Variants in SAE1 observed in about 807,000 individuals in gnomAD.
SAE1 encodes the protein SUMO1 activating enzyme subunit 1.
A neutral mutation model predicts 40.6 loss-of-function variants in SAE1; 11 were observed. The ratio of observed to expected loss-of-function variants is 0.27; its 90% CI spans 0.17 to 0.45. The LOEUF (loss-of-function observed/expected upper bound fraction) is 0.45, where lower values mean the gene tolerates loss of function less well. SAE1 is among the 20% of genes least tolerant of loss of function. The probability of loss-of-function intolerance (pLI) is 1.00; values close to 1 mark genes in which losing one functional copy is unlikely to be tolerated. For synonymous variants in SAE1, 155 were observed against 154.3 expected (o/e 1.00, Z -0.03); for missense variants, 373 against 427.3 (o/e 0.87, Z 1.12).
In SAE1 at chr19:47,203,689, G is replaced by A. The variant is rs1315916605; in HGVS notation, c.897G>A (p.Met299Ile). The change falls in exon 8 of 9, where the codon ATG becomes ATA. Residue 299 changes from methionine to isoleucine, a missense_variant. Transcript: ENST00000270225. ...EDFVRYCFSE[M>I]APVCAVVGGI... is the part of the protein sequence containing the mutation. ...CTTTTAGGTACTGCTTCTCCGAGAT[G>A]GCCCCAGTGTGTGCGGTGGTTGGAG... 1.9e-6 allele frequency: 3 copies of A among 1,613,928 alleles called. No homozygotes were observed. Among genetic ancestry groups the A allele is most frequent in the African/African-American group, 2.7e-5 (2 of 74,902 alleles).
At chr19:47,140,000 C>T (rs2058209573) in intron 1 of SAE1, among the ~76,000 whole-genome samples, 1 of 144,160 alleles carries the variant, frequency 6.9e-6, no homozygotes, top group South Asian at 2.2e-4. Context: ...TGCAATGGTG[C>T]GGTCTCGGCT....
chr19:47,192,067 GAAAA>G (rs1439709720), intron 6 of SAE1, among the ~76,000 whole-genome samples: 1 of 149,496 alleles, frequency 6.7e-6, no homozygotes, highest in African/African-American at 2.5e-5. Context: ...AAAAAAAAAA[GAAAA>G]AAGAGAGAGA....
chr19:47,155,979 T>G (rs184627164), intron 5 of SAE1, among the ~76,000 whole-genome samples: 1 of 151,582 alleles, frequency 6.6e-6, no homozygotes, highest in Non-Finnish European at 1.5e-5. Context: ...GACCTCGTGG[T>G]CCACCTGCCT....
intron 6 of SAE1, among the ~76,000 whole-genome samples, chr19:47,190,378 A>C (rs747987384): frequency 2.2e-4 from 33 of 152,176 alleles, no homozygotes; most frequent in Non-Finnish European, 4.1e-4. Flanking sequence ...GGCGGGGCGG[A>C]AAGCAGAACA....
At chr19:47,133,003 T>C (rs1217146826) in intron 1 of SAE1, among the ~76,000 whole-genome samples, 3 of 152,090 alleles carry the variant, frequency 2.0e-5, no homozygotes, top group African/African-American at 4.8e-5. Flanking sequence ...AGAGGTAACA[T>C]TGAGCCTCAG....
chr19:47,197,192 A>T, intron 6 of SAE1, 41 bp from the exon 7 acceptor site: 2 of 1,569,746 alleles, frequency 1.3e-6, no homozygotes, highest in South Asian at 2.4e-5. Context: ...AAAAAAAAAA[A>T]AAAGTGGCTT....
intron 6 of SAE1, among the ~76,000 whole-genome samples, chr19:47,185,032 C>G (rs2058535401): frequency 6.6e-6 from 1 of 151,916 alleles, no homozygotes; most frequent in African/African-American, 2.4e-5. Flanking sequence ...GTTGGCCAGG[C>G]TGCTCTCGAA....
At chr19:47,171,540 C>T (rs577165072) in intron 6 of SAE1, among the ~76,000 whole-genome samples, 2 of 152,282 alleles carry the variant, frequency 1.3e-5, no homozygotes, top group Non-Finnish European at 2.9e-5. Context: ...CAACCTCCAC[C>T]TCCCAGGTTC....
chr19:47,182,496 TGC>T (rs1555794398), intron 6 of SAE1, among the ~76,000 whole-genome samples: 45 of 146,044 alleles, frequency 3.1e-4, no homozygotes, highest in Middle Eastern at 3.5e-3. Flanking sequence ...TGTGTGTGTG[TGC>T]GCGCACGCAC....
At chr19:47,170,007 G>A in intron 6 of SAE1, 84 bp downstream of exon 6, 1 of 1,014,812 alleles carries the variant, frequency 9.9e-7, no homozygotes, top group East Asian at 2.4e-5. Flanking sequence ...AGATGGTTTT[G>A]TGATGTTTGC....
chr19:47,144,853 G>A (rs914102827), intron 2 of SAE1, among the ~76,000 whole-genome samples: 48 of 152,174 alleles, frequency 3.2e-4, no homozygotes, highest in African/African-American at 1.1e-3. Flanking sequence ...GTTTTTGCGA[G>A]ACGAGTCTTG....
At chr19:47,203,023 G>A (rs1273476219) in intron 7 of SAE1, among the ~76,000 whole-genome samples, 1 of 152,190 alleles carries the variant, frequency 6.6e-6, no homozygotes, top group Non-Finnish European at 1.5e-5. Flanking sequence ...ACACAGCATT[G>A]TGTTCAGGAG....
intron 5 of SAE1, among the ~76,000 whole-genome samples, chr19:47,159,638 T>G (rs569164588): frequency 6.6e-6 from 1 of 151,816 alleles, no homozygotes; most frequent in South Asian, 2.1e-4. Context: ...CACTGCAGCC[T>G]CCCAAGTAGC....
At chr19:47,190,662 C>T (rs2058572950) in intron 6 of SAE1, among the ~76,000 whole-genome samples, 1 of 152,200 alleles carries the variant, frequency 6.6e-6, no homozygotes, top group Non-Finnish European at 1.5e-5. Flanking sequence ...TCCAGCCAAA[C>T]TGCACCAGGA....
intron 5 of SAE1, among the ~76,000 whole-genome samples, chr19:47,168,026 C>A (rs1026541369): frequency 6.6e-6 from 1 of 151,964 alleles, no homozygotes; most frequent in South Asian, 2.1e-4. Context: ...AATCCTGTCT[C>A]TACTAAAAAT....
At chr19:47,185,380 C>T (rs959033824) in intron 6 of SAE1, among the ~76,000 whole-genome samples, 1 of 151,960 alleles carries the variant, frequency 6.6e-6, no homozygotes, top group Non-Finnish European at 1.5e-5. Flanking sequence ...TGTCGGCTCA[C>T]TGCGACCTCC....
intron 7 of SAE1, 97 bp downstream of exon 7, chr19:47,197,474 A>G: frequency 9.4e-7 from 1 of 1,059,316 alleles, no homozygotes; most frequent in Non-Finnish European, 1.4e-6. Flanking sequence ...GAAACCCTTC[A>G]GAGAGCACCC....
At chr19:47,204,390 G>A (rs2058673747) in intron 8 of SAE1, among the ~76,000 whole-genome samples, 1 of 151,258 alleles carries the variant, frequency 6.6e-6, no homozygotes, top group Admixed American at 6.6e-5. Flanking sequence ...AGTAGAGACA[G>A]GGTTTCACTG....
At chr19:47,140,642 A>G (rs1225025098) in intron 1 of SAE1, among the ~76,000 whole-genome samples, 1 of 146,736 alleles carries the variant, frequency 6.8e-6, no homozygotes, top group Non-Finnish European at 1.5e-5. Flanking sequence ...AAAAAAACCC[A>G]TAAATCAGCC....
Sources: gnomAD v4.1 joint callset for allele counts (sites outside exome capture counted in the v4.1 genomes callset) on GRCh38, gnomAD v4.1.1 for gene constraint, MANE v1.5 for transcripts, NCBI Gene and HGNC (gene_info 2026-07-23, HGNC 2026-07-21) for gene names.